UPF2: variants seen among roughly 807,000 people sequenced by gnomAD.
UPF2 encodes UPF2 regulator of nonsense mediated mRNA decay, also known as regulator of nonsense transcripts 2.
In UPF2, 17 loss-of-function variants were observed where a neutral mutation model predicts 141.4. That is an observed-to-expected ratio of 0.12 (90% CI 0.08 to 0.18). UPF2 has a LOEUF of 0.18. UPF2 is among the 10% of genes least tolerant of loss of function. The probability of loss-of-function intolerance (pLI) is 1.00; values close to 1 mark genes in which losing one functional copy is unlikely to be tolerated. For synonymous variants in UPF2, 540 were observed against 498.0 expected (o/e 1.08, Z -1.12); for missense variants, 1,152 against 1,515.9 (o/e 0.76, Z 3.99).
In UPF2 at chr10:11,935,648, C is replaced by T. The variant is rs1832840184; in HGVS notation, c.3546+897G>A. 6.6e-6 allele frequency among the ~76,000 whole-genome samples: 1 copy of T among 152,180 alleles called. No homozygotes were observed. Among genetic ancestry groups the T allele is most frequent in the South Asian group, 2.1e-4 (1 of 4,828 alleles). ...TCTGAAAGCTGGCCTATATTCTCTT[C>T]ATACCATGTTTCACTATCTGCAAAT... On this transcript the variant is annotated intron_variant, in intron 19 of 21. Transcript: ENST00000357604. The surrounding 1 kb of genome is among the most constrained non-coding windows in gnomAD (Gnocchi z 4.9).
intron 16 of UPF2, among the ~76,000 whole-genome samples, chr10:11,946,675 C>T (rs1442403749): frequency 6.6e-6 from 1 of 152,108 alleles, no homozygotes; most frequent in Non-Finnish European, 1.5e-5. Flanking sequence ...TTCTTCTATA[C>T]CCCTAACCCA....
intron 6 of UPF2, among the ~76,000 whole-genome samples, 195 bp downstream of exon 6, chr10:12,001,481 A>G (rs939930550): frequency 5.3e-5 from 8 of 152,228 alleles, no homozygotes; most frequent in Non-Finnish European, 8.8e-5. Context: ...TGATCATTAA[A>G]GTTTGTAGAC....
chr10:11,925,834 G>A (rs751195927), intron 21 of UPF2, among the ~76,000 whole-genome samples: 1 of 152,224 alleles, frequency 6.6e-6, no homozygotes. Flanking sequence ...AGCCAGTAAT[G>A]TATGTCCACC....
chr10:11,999,975 A>G lies in UPF2; in HGVS notation c.1689T>C (p.His563=). The G allele has an allele frequency of 2.5e-6, 4 of 1,613,142 alleles. No individual in the cohort carries two copies. Among genetic ancestry groups the G allele is most frequent in the Non-Finnish European group, 3.4e-6 (4 of 1,179,752 alleles). The stretch of plus-strand genomic sequence containing the variant: ...GGAAAGCATCTACTATGAGCTTGAG[A>G]TGAGATCCAGTGCTGGCTTCCTCAT... ...QEDEEASTGS[H]LKLIVDAFLQ... The change falls in exon 7 of 22, where the codon CAT becomes CAC. Residue 563 remains histidine (H), a synonymous_variant. Coordinates refer to ENST00000357604, the MANE Select transcript of UPF2 (RefSeq NM_015542.4).
intron 21 of UPF2, among the ~76,000 whole-genome samples, chr10:11,922,188 C>T (rs1021127191): frequency 3.3e-5 from 5 of 152,166 alleles, no homozygotes; most frequent in African/African-American, 7.2e-5. Context: ...GAACCAGCCC[C>T]GCTGACTCCC....
rs1381308868 is a variant in UPF2 at position 12,004,424 on chromosome 10, T to A, written c.1504+106A>T. ...ATTTACTCTAATGACTCAATGTTCA[T>A]ATTACAAAACTAGTAACTACAATAT... On this transcript the variant is annotated intron_variant, in intron 5 of 21. Coordinates refer to ENST00000357604, the MANE Select transcript of UPF2 (RefSeq NM_015542.4). 4 of 845,788 alleles carry A rather than the reference T, an allele frequency of 4.7e-6. No homozygotes were observed. The African/African-American group carries it at 6.8e-5, about 14-fold the overall frequency. The allele number at this position is 845,788 out of a possible 1,614,324, so 52.4% of individuals were successfully genotyped here. A position where few individuals can be genotyped will look rare whatever the true frequency, so the allele number is the denominator to read the frequency against.
chr10:12,031,052 T>TTAC (rs968145019), intron 2 of UPF2, among the ~76,000 whole-genome samples: 1 of 150,752 alleles, frequency 6.6e-6, no homozygotes, highest in African/African-American at 2.4e-5. Context: ...CAGGCACCTG[T>TTAC]AATCCCAGCT....
At chr10:12,040,296 C>T (rs1834713037) in intron 1 of UPF2, among the ~76,000 whole-genome samples, 1 of 152,064 alleles carries the variant, frequency 6.6e-6, no homozygotes, top group Non-Finnish European at 1.5e-5. Flanking sequence ...GCAGCACACG[C>T]CTGTAGTCCC....
At chr10:11,930,123 G>C in intron 20 of UPF2, 138 bp from the exon 21 acceptor site, 6 of 1,197,668 alleles carry the variant, frequency 5.0e-6, no homozygotes, top group African/African-American at 1.5e-5. Flanking sequence ...CCATTATACA[G>C]ACTAAAATGA....
chr10:12,011,652 A>ACT (rs1834129181), intron 4 of UPF2, among the ~76,000 whole-genome samples: 1 of 151,602 alleles, frequency 6.6e-6, no homozygotes, highest in East Asian at 1.9e-4. Flanking sequence ...CTAAAAATAC[A>ACT]TTTAAAGTCA....
In UPF2 at chr10:11,965,018, C is replaced by T. The variant is rs146966680; in HGVS notation, c.2068-893G>A. ...TGACTGTGTTTTGACTGTGACTTGC[C>T]ACATGAAGTCAGGTGACATGTGTCA... On this transcript the variant is annotated intron_variant, in intron 10 of 21. Coordinates refer to ENST00000357604, the MANE Select transcript of UPF2 (RefSeq NM_015542.4). Among the ~76,000 whole-genome samples, 354 of 152,224 alleles carry T rather than the reference C, an allele frequency of 2.3e-3. 2 individuals are homozygous for T. The highest frequency in any genetic ancestry group is 8.3e-3 in the African/African-American group (346 of 41,534).
At position 11,920,938 on chromosome 10, in the gene UPF2, T is replaced by C. The variant is rs1832633338; in HGVS notation, c.*360A>G. On this transcript the variant is annotated 3_prime_UTR_variant, in exon 22 of 22. Transcript: ENST00000357604. The stretch of plus-strand genomic sequence containing the variant: ...CTCAAGTTCATTTCCCCCACACCAT[T>C]ACCATCACAACCCGTTTCTTCTCTG... 1 of 515,114 alleles carries C rather than the reference T, an allele frequency of 1.9e-6. No individual in the cohort carries two copies. Among genetic ancestry groups the C allele is most frequent in the Admixed American group, 2.2e-5 (1 of 45,934 alleles). The allele number at this position is 515,114 out of a possible 1,614,324, so 31.9% of individuals were successfully genotyped here. A position where few individuals can be genotyped will look rare whatever the true frequency, so the allele number is the denominator to read the frequency against.
chr10:12,021,125 C>A (rs1033035210), intron 3 of UPF2, among the ~76,000 whole-genome samples: 1 of 152,136 alleles, frequency 6.6e-6, no homozygotes, highest in African/African-American at 2.4e-5. Flanking sequence ...AGAAAAGAAC[C>A]TGACTCTATC....
intron 2 of UPF2, among the ~76,000 whole-genome samples, chr10:12,034,671 G>A (rs9424141): frequency 0.16 from 24,842 of 151,972 alleles, 2,489 homozygotes; most frequent in African/African-American, 0.28. Flanking sequence ...TGGGCATGAT[G>A]GCAGGTGCCT....
At position 12,039,895 on chromosome 10, in the gene UPF2, A is replaced by C. The variant is rs534371682; in HGVS notation, c.-19+2860T>G. ...TTGGCCTCCCAAAGTTCTGGGATTT[A>C]CAGGCATGAGCCACTGTGGCTGGCA... On this transcript the variant is annotated intron_variant, in intron 1 of 21. Coordinates refer to ENST00000357604, the MANE Select transcript of UPF2 (RefSeq NM_015542.4). Among the ~76,000 whole-genome samples, 4 of 152,254 alleles carry C rather than the reference A, an allele frequency of 2.6e-5. No homozygotes were observed. In the South Asian group the frequency reaches 8.3e-4, roughly 32 times the overall value.
chr10:11,942,963 T>A, intron 17 of UPF2, 101 bp downstream of exon 17: 3 of 1,008,348 alleles, frequency 3.0e-6, no homozygotes, highest in Non-Finnish European at 4.4e-6. Context: ...AAAGAAATAT[T>A]TTTCATAATC....
At chr10:12,013,080 G>A (rs1174902365) in intron 4 of UPF2, among the ~76,000 whole-genome samples, 1 of 149,936 alleles carries the variant, frequency 6.7e-6, no homozygotes. Flanking sequence ...AGCCGAGATT[G>A]TGCCACTGCA....
chr10:12,018,218 A>G (rs1834258173), intron 3 of UPF2, among the ~76,000 whole-genome samples: 1 of 152,102 alleles, frequency 6.6e-6, no homozygotes, highest in South Asian at 2.1e-4. Context: ...GAGGCCAAGG[A>G]GGGCCGATTG....
chr10:12,015,746 A>C (rs553124018), intron 3 of UPF2, among the ~76,000 whole-genome samples: 24 of 152,270 alleles, frequency 1.6e-4, no homozygotes, highest in African/African-American at 3.1e-4. Flanking sequence ...TCAAGTAACA[A>C]TATTTTCAAT....
Sources: gnomAD v4.1 joint callset for allele counts (sites outside exome capture counted in the v4.1 genomes callset) on GRCh38, gnomAD v4.1.1 for gene constraint, Gnocchi (gnomAD v3.1) non-coding constraint, MANE v1.5 for transcripts, NCBI Gene and HGNC (gene_info 2026-07-23, HGNC 2026-07-21) for gene names.